ZFAT: variants seen among roughly 807,000 people sequenced by gnomAD.
ZFAT encodes the protein zinc finger protein ZFAT.
Under a neutral mutation model 117.7 loss-of-function variants are expected in ZFAT, and 64 were observed. The ratio of observed to expected loss-of-function variants is 0.54; its 90% CI spans 0.44 to 0.67. ZFAT has a LOEUF of 0.67. Ranked by LOEUF, ZFAT falls within the 30% of genes least tolerant of loss-of-function variation. ZFAT has a pLI of 0.00. For synonymous variants in ZFAT, 679 were observed against 615.0 expected (o/e 1.10, Z -1.54); for missense variants, 1,433 against 1,584.5 (o/e 0.90, Z 1.62).
intron 10 of ZFAT, among the ~76,000 whole-genome samples, chr8:134,576,559 C>T (rs1825312299): frequency 6.6e-6 from 1 of 152,222 alleles, no homozygotes; most frequent in Non-Finnish European, 1.5e-5. Context: ...TAAGATCAAT[C>T]CAGCTAGGTG....
At chr8:134,792,604 A>G in the ZFAT span, 1 of 152,214 alleles carries the variant, frequency 6.6e-6, no homozygotes, top group Non-Finnish European at 1.5e-5. Context: ...TACAGTATTA[A>G]CTGTAACTCC....
At position 134,532,731 on chromosome 8, in the gene ZFAT, T is replaced by A. The variant is rs995257279; in HGVS notation, c.3115+103A>T. On this transcript the variant is annotated intron_variant, in intron 12 of 15. Transcript: ENST00000377838. ...GAAGAATGAACATCACTGGCACATT[T>A]ATGTAGCAGAACTGAACTGCAGGAT... is the stretch of plus-strand genomic sequence containing the variant. 2.8e-6 allele frequency: 4 copies of A among 1,425,750 alleles called. No individual in the cohort carries two copies. The African/African-American group carries it at 4.2e-5, about 15-fold the overall frequency. The allele number at this position is 1,425,750 out of a possible 1,614,324, so 88.3% of individuals were successfully genotyped here.
At chr8:134,720,957 C>G in the ZFAT span, among the ~76,000 whole-genome samples, 6 of 152,334 alleles carry the variant, frequency 3.9e-5, no homozygotes, top group East Asian at 9.6e-4. Flanking sequence ...AAGAACCCTC[C>G]TCCCAAAGAT....
the ZFAT span, among the ~76,000 whole-genome samples, chr8:134,775,826 C>T: frequency 1.5e-4 from 23 of 152,276 alleles, no homozygotes; most frequent in East Asian, 4.2e-3. Flanking sequence ...ATTATTTCCT[C>T]CCAGACCCCA....
intron 12 of ZFAT, among the ~76,000 whole-genome samples, chr8:134,525,859 T>C (rs1236002602): frequency 2.0e-5 from 3 of 152,260 alleles, no homozygotes. Flanking sequence ...CAGATGGATG[T>C]TTATTTTCTG....
In ZFAT at chr8:134,602,009, T is replaced by C. The variant is rs1463984867; in HGVS notation, c.1710A>G (p.Thr570=). ...VHLASPQAES[T]ALPPCELETT... ...TTTCCAGCTCACAGGGTGGCAGGGC[T>C]GTGCTTTCGGCCTGCGGGGAGGCCA... Residue 570 remains threonine, a synonymous_variant, in exon 6 of 16, where the codon ACA becomes ACG. Transcript: ENST00000377838. 6 of 1,612,922 alleles carry C rather than the reference T, an allele frequency of 3.7e-6. No individual in the cohort carries two copies. The highest frequency in any genetic ancestry group is 2.2e-5 in the South Asian group (2 of 91,066).
At chr8:134,555,115 G>T (rs560514883) in intron 11 of ZFAT, among the ~76,000 whole-genome samples, 117 of 152,182 alleles carry the variant, frequency 7.7e-4, no homozygotes, top group Non-Finnish European at 1.4e-3. Context: ...CGGGGTGAAG[G>T]CTAGGGGAAA....
At chr8:134,792,117 C>G in the ZFAT span, 2 of 152,180 alleles carry the variant, frequency 1.3e-5, no homozygotes, top group African/African-American at 4.8e-5. Flanking sequence ...TGTTTTAAAA[C>G]ATGGTAACTG....
intron 2 of ZFAT, among the ~76,000 whole-genome samples, chr8:134,654,571 G>C (rs1831477676): frequency 6.6e-6 from 1 of 152,160 alleles, no homozygotes; most frequent in African/African-American, 2.4e-5. Flanking sequence ...GCTGCCAAGG[G>C]CACTCCACAG....
intron 15 of ZFAT, among the ~76,000 whole-genome samples, chr8:134,488,173 C>A (rs899635638): frequency 6.6e-6 from 1 of 152,228 alleles, no homozygotes; most frequent in Non-Finnish European, 1.5e-5. Flanking sequence ...AGATGCTACT[C>A]AGTGGGGCCT....
At chr8:134,755,278 C>A in the ZFAT span, among the ~76,000 whole-genome samples, 1 of 148,608 alleles carries the variant, frequency 6.7e-6, no homozygotes, top group Non-Finnish European at 1.5e-5. Flanking sequence ...CCGGGCGTGG[C>A]GGCATGTGCC....
chr8:134,524,378 T>C (rs1820875078), intron 12 of ZFAT, among the ~76,000 whole-genome samples: 1 of 152,198 alleles, frequency 6.6e-6, no homozygotes, highest in South Asian at 2.1e-4. Context: ...TCACATCTCC[T>C]CCATCTTTCA....
At chr8:134,633,977 C>T (rs1334402503) in intron 3 of ZFAT, among the ~76,000 whole-genome samples, 1 of 152,080 alleles carries the variant, frequency 6.6e-6, no homozygotes, top group Non-Finnish European at 1.5e-5. Flanking sequence ...ACCTGGGAGG[C>T]AGAGGTTGCA....
chr8:134,579,710 G>A (rs947624557), intron 10 of ZFAT, among the ~76,000 whole-genome samples: 1 of 152,172 alleles, frequency 6.6e-6, no homozygotes, highest in African/African-American at 2.4e-5. Context: ...CAGCACTTTG[G>A]GAGGCCACGG....
chr8:134,745,190 C>T, the ZFAT span, among the ~76,000 whole-genome samples: 1 of 152,184 alleles, frequency 6.6e-6, no homozygotes, highest in African/African-American at 2.4e-5. Flanking sequence ...TACAGCCCTG[C>T]TCACACTTGA....
At chr8:134,778,889 T>C in the ZFAT span, among the ~76,000 whole-genome samples, 1 of 152,184 alleles carries the variant, frequency 6.6e-6, no homozygotes, top group Non-Finnish European at 1.5e-5. Flanking sequence ...TTCAGGCTAG[T>C]GGCCAGAGAT....
intron 1 of ZFAT, chr8:134,696,321 G>T: frequency 1.1e-6 from 1 of 941,132 alleles, no homozygotes; most frequent in Non-Finnish European, 1.3e-6. Flanking sequence ...CAGCGTTCCT[G>T]CCAGGAGTTG....
At chr8:134,666,312 AAC>A (rs1302555697) in intron 1 of ZFAT, among the ~76,000 whole-genome samples, 1 of 152,214 alleles carries the variant, frequency 6.6e-6, no homozygotes, top group African/African-American at 2.4e-5. Flanking sequence ...TCCACACCAC[AAC>A]AGTGTCAGAT....
At chr8:134,552,735 G>A (rs1823263453) in intron 11 of ZFAT, among the ~76,000 whole-genome samples, 1 of 152,236 alleles carries the variant, frequency 6.6e-6, no homozygotes, top group African/African-American at 2.4e-5. Context: ...TTGTCAAACA[G>A]CAGAGAGGGT....
Sources: allele counts gnomAD v4.1 joint callset (sites outside exome capture counted in the v4.1 genomes callset), GRCh38; gene constraint gnomAD v4.1.1; transcripts MANE v1.5; gene names NCBI Gene and HGNC (gene_info 2026-07-23, HGNC 2026-07-21).